The following MRRF variants were observed in gnomAD, a reference collection of about 807,000 sequenced individuals.
MRRF encodes the protein mitochondrial ribosome recycling factor, also known as ribosome-recycling factor, mitochondrial.
A neutral mutation model predicts 25.1 loss-of-function variants in MRRF; 18 were observed. The observed-to-expected ratio is 0.72, with a 90% CI of 0.50 to 1.06. The LOEUF is 1.06. MRRF is among the 50% of genes least tolerant of loss of function. The pLI is 0.00. For missense variants in MRRF, 323 were observed against 319.3 expected, an observed-to-expected ratio of 1.01 and a Z score of -0.09; for synonymous variants, 113 against 112.1, an observed-to-expected ratio of 1.01 and a Z score of -0.05.
At chr9:122,284,527 G>A (rs182294348) in intron 3 of MRRF, among the ~76,000 whole-genome samples, 1 of 152,268 alleles carries the variant, frequency 6.6e-6, no homozygotes, top group Admixed American at 6.5e-5. Flanking sequence ...ACTCACCTGA[G>A]GTTTCATAGC....
intron 6 of MRRF, among the ~76,000 whole-genome samples, chr9:122,319,609 T>A (rs554901102): frequency 6.6e-6 from 1 of 152,330 alleles, no homozygotes; most frequent in Non-Finnish European, 1.5e-5. Context: ...AACTGTCAAG[T>A]TAAATAATGT....
At chr9:122,313,729 G>A (rs1027519375) in intron 6 of MRRF, among the ~76,000 whole-genome samples, 3 of 152,126 alleles carry the variant, frequency 2.0e-5, no homozygotes, top group African/African-American at 7.2e-5. Context: ...GGTAGAAATC[G>A]GATCCATACT....
At chr9:122,308,457 G>C (rs1462478192) in intron 5 of MRRF, among the ~76,000 whole-genome samples, 1 of 149,930 alleles carries the variant, frequency 6.7e-6, no homozygotes, top group Non-Finnish European at 1.5e-5. Flanking sequence ...CCAGCACTCT[G>C]GGAGGCCGAG....
chr9:122,295,665 C>G (rs190652335), intron 5 of MRRF, among the ~76,000 whole-genome samples: 1 of 152,146 alleles, frequency 6.6e-6, no homozygotes, highest in Non-Finnish European at 1.5e-5. Context: ...AGGCTGGTCT[C>G]GAACTCTTGA....
At chr9:122,292,474 A>G (rs1427939463) in intron 5 of MRRF, among the ~76,000 whole-genome samples, 2 of 152,222 alleles carry the variant, frequency 1.3e-5, no homozygotes, top group African/African-American at 4.8e-5. Flanking sequence ...GTTTTAAGTG[A>G]ATAAAAATGT....
At position 122,271,048 on chromosome 9, in the gene MRRF, C is replaced by T. The variant is rs760053145; in HGVS notation, c.157C>T (p.Arg53Cys). 2.7e-5 allele frequency: 44 copies of T among 1,614,056 alleles called. No individual in the cohort carries two copies. Among genetic ancestry groups the T allele is most frequent in the South Asian group, 7.7e-5 (7 of 91,082 alleles). ...QYMAYSAVPV[R>C]HFATKKAKAK... ...CATGGCCTATTCAGCTGTACCAGTC[C>T]GCCATTTTGCTACCAAGAAAGCCAA... is the stretch of plus-strand genomic sequence containing the variant. Residue 53 changes from arginine to cysteine, a missense_variant, in exon 2 of 7, where the codon CGC (arginine) becomes TGC (cysteine). Transcript: ENST00000344641.
chr9:122,305,228 T>G (rs982217513), intron 5 of MRRF, among the ~76,000 whole-genome samples: 6 of 151,832 alleles, frequency 4.0e-5, no homozygotes, highest in Admixed American at 3.9e-4. Context: ...CTGGCCAACA[T>G]AGCGAAACCC....
intron 5 of MRRF, among the ~76,000 whole-genome samples, chr9:122,294,577 G>A (rs990601314): frequency 3.9e-5 from 6 of 152,118 alleles, no homozygotes; most frequent in African/African-American, 2.4e-5. Context: ...GAATTATAAC[G>A]TTTGGTAGTT....
Position 122,325,990 on chromosome 9 carries a change from T to C in MRRF, c.*3373T>C, listed in dbSNP as rs1836128343. The C allele has an allele frequency of 1.3e-5, 2 of 151,742 alleles. No individual in the cohort carries two copies. Among genetic ancestry groups the C allele is most frequent in the South Asian group, 4.2e-4 (2 of 4,790 alleles). The allele number at this position is 151,742 out of a possible 1,614,324, so 9.4% of individuals were successfully genotyped here. A position where few individuals can be genotyped will look rare whatever the true frequency, so the allele number is the denominator to read the frequency against. On this transcript the variant is annotated 3_prime_UTR_variant, in exon 7 of 7. Transcript: ENST00000344641. ...ATGCACCACCACACCTGGCTTTTTT[T>C]TTTTTGCTTTGTTTCCTAGGCTGGT...
At chr9:122,307,929 G>C (rs191412948) in intron 5 of MRRF, among the ~76,000 whole-genome samples, 2 of 152,276 alleles carry the variant, frequency 1.3e-5, no homozygotes, top group Non-Finnish European at 2.9e-5. Context: ...GTATAGCTTT[G>C]TACATGTGTT....
intron 2 of MRRF, among the ~76,000 whole-genome samples, chr9:122,277,432 T>A (rs1373739306): frequency 6.6e-6 from 1 of 152,364 alleles, no homozygotes; most frequent in East Asian, 1.9e-4. Flanking sequence ...AAAACCGTTA[T>A]GTTATATTCA....
intron 2 of MRRF, among the ~76,000 whole-genome samples, chr9:122,274,483 C>T (rs1273642579): frequency 6.6e-6 from 1 of 151,536 alleles, no homozygotes; most frequent in African/African-American, 2.4e-5. Context: ...ATGGCAAAAC[C>T]CGGCCCCTTG....
chr9:122,326,152 C>T lies in MRRF; in HGVS notation c.*3535C>T, dbSNP rs971547327. 6 of 148,202 alleles carry T rather than the reference C, an allele frequency of 4.0e-5. No individual in the cohort carries two copies. Among genetic ancestry groups the T allele is most frequent in the Non-Finnish European group, 7.4e-5 (5 of 67,318 alleles). The allele number at this position is 148,202 out of a possible 1,614,324, so 9.2% of individuals were successfully genotyped here. A position where few individuals can be genotyped will look rare whatever the true frequency, so the allele number is the denominator to read the frequency against. ...CAATGGAGTCTTGCTCTGTCGCCCA[C>T]GCTGGAGTGCATTGGCGCAATCTCG... On this transcript the variant is annotated 3_prime_UTR_variant, in exon 7 of 7. Transcript: ENST00000344641.
intron 1 of MRRF, among the ~76,000 whole-genome samples, chr9:122,269,464 C>T (rs1348774177): frequency 6.6e-6 from 1 of 152,158 alleles, no homozygotes; most frequent in African/African-American, 2.4e-5. Context: ...GTGGCTCACA[C>T]CTGTAATCCT....
At chr9:122,303,788 C>T (rs576242046) in intron 5 of MRRF, among the ~76,000 whole-genome samples, 1 of 152,160 alleles carries the variant, frequency 6.6e-6, no homozygotes, top group South Asian at 2.1e-4. Flanking sequence ...GTGAAGGAGC[C>T]GTTATTCAAA....
Position 122,326,998 on chromosome 9 carries a change from A to G in MRRF, c.*4381A>G, listed in dbSNP as rs1353284899. 1.3e-5 allele frequency: 2 copies of G among 152,220 alleles called. No homozygotes were observed. The highest frequency in any genetic ancestry group is 1.5e-5 in the Non-Finnish European group (1 of 68,040). The allele number at this position is 152,220 out of a possible 1,614,324, so 9.4% of individuals were successfully genotyped here. ...CAAGTCTTCGCTGAACACTTACTCA[A>G]AAGGGACCTCGCGCTGTTCTGGACC... On this transcript the variant is annotated 3_prime_UTR_variant, in exon 7 of 7. Transcript: ENST00000344641.
At position 122,326,572 on chromosome 9, in the gene MRRF, A is replaced by G. The variant is rs1836149372; in HGVS notation, c.*3955A>G. 6.6e-6 allele frequency: 1 copy of G among 152,200 alleles called. No homozygotes were observed. The highest frequency in any genetic ancestry group is 1.5e-5 in the Non-Finnish European group (1 of 68,034). 9.4% of individuals were successfully genotyped at this position (152,200 alleles called of 1,614,324 possible). On this transcript the variant is annotated 3_prime_UTR_variant, in exon 7 of 7. Coordinates refer to ENST00000344641, the MANE Select transcript of MRRF (RefSeq NM_138777.5). ...TATTCCATAATATGGGTCTACCATA[A>G]CTTAATTCACTATTAGCCCATGACA...
chr9:122,286,227 C>T, intron 4 of MRRF: 1 of 1,280,460 alleles, frequency 7.8e-7, no homozygotes, highest in East Asian at 5.6e-5. Flanking sequence ...AGTCATAGAC[C>T]AAGGTTGGAC....
chr9:122,265,407 G>A (rs1832005108), intron 1 of MRRF: 1 of 260,444 alleles, frequency 3.8e-6, no homozygotes. Flanking sequence ...CATTTCAGTA[G>A]CCCTTCTCCA....
Sources: allele counts gnomAD v4.1 joint callset (sites outside exome capture counted in the v4.1 genomes callset), GRCh38; gene constraint gnomAD v4.1.1; transcripts MANE v1.5; gene names NCBI Gene and HGNC (gene_info 2026-07-23, HGNC 2026-07-21).